The following NRG3 variants were observed in gnomAD, a reference collection of about 807,000 sequenced individuals.
NRG3 encodes neuregulin 3, also known as pro-neuregulin-3, membrane-bound isoform.
Under a neutral mutation model 66.9 loss-of-function variants are expected in NRG3, and 31 were observed. That is an observed-to-expected ratio of 0.46 (90% CI 0.35 to 0.63). The LOEUF is 0.63. Among genes scored for constraint, NRG3 ranks in the 20% least tolerant of loss-of-function variants. NRG3 has a pLI of 0.00. For missense variants in NRG3, 910 were observed against 878.9 expected (o/e 1.04, Z -0.45); for synonymous variants, 393 against 359.4 (o/e 1.09, Z -1.06).
chr10:82,570,360 A>C (rs926323414), intron 2 of NRG3, among the ~76,000 whole-genome samples: 3 of 151,610 alleles, frequency 2.0e-5, no homozygotes, highest in African/African-American at 7.2e-5. Context: ...TACTTTCCAT[A>C]GTTGTTATTT....
chr10:82,414,364 T>A (rs1022203657), intron 2 of NRG3, among the ~76,000 whole-genome samples: 1 of 152,106 alleles, frequency 6.6e-6, no homozygotes, highest in East Asian at 1.9e-4. Flanking sequence ...GTCACTGTCT[T>A]ATATGGGCAT....
intron 2 of NRG3, among the ~76,000 whole-genome samples, chr10:82,710,666 A>G (rs963669206): frequency 6.9e-6 from 1 of 145,096 alleles, no homozygotes; most frequent in Non-Finnish European, 1.5e-5. Flanking sequence ...AATTTCATTT[A>G]TTCAATTATT....
chr10:82,875,643 C>T (rs1841752794), intron 4 of NRG3, among the ~76,000 whole-genome samples: 1 of 152,178 alleles, frequency 6.6e-6, no homozygotes, highest in Admixed American at 6.5e-5. Context: ...CAGGCGTGAG[C>T]CAACGTGCCT....
chr10:82,841,343 A>G (rs953873013), intron 3 of NRG3, among the ~76,000 whole-genome samples: 4 of 152,218 alleles, frequency 2.6e-5, no homozygotes, highest in Admixed American at 2.6e-4. Context: ...TGGGAAATTA[A>G]TACCCCACTC....
chr10:82,263,243 C>T (rs962043248), intron 1 of NRG3, among the ~76,000 whole-genome samples: 6 of 151,928 alleles, frequency 3.9e-5, no homozygotes, highest in Admixed American at 6.6e-5. Flanking sequence ...TAAAGAAAAA[C>T]GGATACAAGA....
At chr10:81,886,057 C>T (rs868694084) in intron 1 of NRG3, among the ~76,000 whole-genome samples, 11 of 152,110 alleles carry the variant, frequency 7.2e-5, no homozygotes, top group African/African-American at 1.9e-4. Context: ...AGCTAATGCA[C>T]GCGGGGCTTA....
chr10:82,005,190 T>G (rs1302741743), intron 1 of NRG3, among the ~76,000 whole-genome samples: 1 of 152,222 alleles, frequency 6.6e-6, no homozygotes. Flanking sequence ...AAAGCCTTGG[T>G]GGCAGGCCCT....
At chr10:82,908,888 G>A (rs1396814109) in intron 4 of NRG3, among the ~76,000 whole-genome samples, 1 of 147,322 alleles carries the variant, frequency 6.8e-6, no homozygotes, top group Non-Finnish European at 1.5e-5. Context: ...AGCCAATGGA[G>A]GTAGTGTAGT....
intron 1 of NRG3, among the ~76,000 whole-genome samples, chr10:81,968,416 T>A (rs1478792337): frequency 6.6e-6 from 1 of 152,200 alleles, no homozygotes; most frequent in African/African-American, 2.4e-5. Context: ...TGTATTACAC[T>A]ACTTGCCACG....
intron 2 of NRG3, among the ~76,000 whole-genome samples, chr10:82,492,438 GATC>G (rs1172055088): frequency 6.6e-6 from 1 of 152,034 alleles, no homozygotes; most frequent in Non-Finnish European, 1.5e-5. Flanking sequence ...GATTTTTTTA[GATC>G]ATCAACATAA....
At chr10:82,079,171 A>G (rs2065253372) in intron 1 of NRG3, among the ~76,000 whole-genome samples, 1 of 151,622 alleles carries the variant, frequency 6.6e-6, no homozygotes, top group Non-Finnish European at 1.5e-5. Context: ...CAGCCTCCCG[A>G]ATAGCTGGGA....
chr10:82,071,737 C>G (rs1487323387), intron 1 of NRG3, among the ~76,000 whole-genome samples: 1 of 152,128 alleles, frequency 6.6e-6, no homozygotes, highest in Non-Finnish European at 1.5e-5. Context: ...ACTCTGGACA[C>G]TGTGTCAAGA....
At chr10:82,041,819 T>A (rs1439928851) in intron 1 of NRG3, among the ~76,000 whole-genome samples, 1 of 86,280 alleles carries the variant, frequency 1.2e-5, no homozygotes, top group Non-Finnish European at 3.0e-5. Flanking sequence ...GATCTCTCTC[T>A]CTCTCTCTCT....
At chr10:82,898,975 G>A (rs1843949212) in intron 4 of NRG3, among the ~76,000 whole-genome samples, 1 of 151,848 alleles carries the variant, frequency 6.6e-6, no homozygotes, top group Admixed American at 6.6e-5. Context: ...CTCCCAAAGT[G>A]CTGGGATTAC....
chr10:82,846,000 A>G (rs1008797180), intron 3 of NRG3, among the ~76,000 whole-genome samples: 3 of 152,290 alleles, frequency 2.0e-5, no homozygotes, highest in Admixed American at 2.0e-4. Flanking sequence ...TCTGATACAG[A>G]TTGTCAACAG....
chr10:82,578,416 G>A (rs943136658), intron 2 of NRG3, among the ~76,000 whole-genome samples: 8 of 150,524 alleles, frequency 5.3e-5, no homozygotes, highest in South Asian at 2.1e-4. Context: ...GTTTCTGTGC[G>A]GACTACTTGG....
intron 2 of NRG3, among the ~76,000 whole-genome samples, chr10:82,489,881 T>C (rs1010235060): frequency 1.3e-5 from 2 of 152,278 alleles, no homozygotes; most frequent in East Asian, 3.9e-4. Context: ...GATACTACGA[T>C]ATAAACCCTT....
chr10:82,582,091 G>A (rs2046386959), intron 2 of NRG3, among the ~76,000 whole-genome samples: 1 of 151,992 alleles, frequency 6.6e-6, no homozygotes, highest in Non-Finnish European at 1.5e-5. Flanking sequence ...TAGGAATTCA[G>A]CATCTAGGCA....
At chr10:82,717,192 G>C (rs1309807717) in intron 2 of NRG3, among the ~76,000 whole-genome samples, 1 of 152,028 alleles carries the variant, frequency 6.6e-6, no homozygotes. Context: ...TTTACATCTA[G>C]AAACAATTTT....
Sources: gnomAD v4.1 joint callset for allele counts (sites outside exome capture counted in the v4.1 genomes callset) on GRCh38, gnomAD v4.1.1 for gene constraint, MANE v1.5 for transcripts, NCBI Gene and HGNC (gene_info 2026-07-23, HGNC 2026-07-21) for gene names.